The following SP3 variants were observed in gnomAD, a reference collection of about 807,000 sequenced individuals.
SP3 encodes the protein transcription factor Sp3.
In SP3, 10 loss-of-function variants were observed where a neutral mutation model predicts 70.3. The observed-to-expected ratio is 0.14, with a 90% CI of 0.09 to 0.24. SP3 has a LOEUF of 0.24. Among genes scored for constraint, SP3 ranks in the 10% least tolerant of loss-of-function variants. SP3 has a pLI of 1.00. For missense variants in SP3, 825 were observed against 914.6 expected (o/e 0.90, Z 1.26); for synonymous variants, 402 against 333.5 (o/e 1.21, Z -2.24).
intron 4 of SP3, among the ~76,000 whole-genome samples, chr2:173,949,562 G>A (rs968356216): frequency 3.3e-5 from 5 of 152,056 alleles, no homozygotes; most frequent in Admixed American, 3.3e-4. Context: ...AGAATTATAT[G>A]AGATAATACA....
intron 4 of SP3, among the ~76,000 whole-genome samples, chr2:173,944,874 T>C (rs906822422): frequency 6.6e-6 from 1 of 152,206 alleles, no homozygotes; most frequent in African/African-American, 2.4e-5. Context: ...CCCAGCACTT[T>C]GGGAGGCCAA....
intron 3 of SP3, among the ~76,000 whole-genome samples, chr2:173,958,174 A>G (rs1196468327): frequency 6.6e-6 from 1 of 152,038 alleles, no homozygotes; most frequent in Non-Finnish European, 1.5e-5. Flanking sequence ...ATCAAAGAAT[A>G]TAGTAACTCA....
chr2:173,904,119 C>A lies in SP3; in HGVS notation c.*5822G>T, dbSNP rs1031138487. 1.9e-4 allele frequency among the ~76,000 whole-genome samples: 29 copies of A among 152,130 alleles called. No individual in the cohort carries two copies. Among genetic ancestry groups the A allele is most frequent in the African/African-American group, 6.5e-4 (27 of 41,430 alleles). ...GGGGTTCACAACGGGGTTCGCACTCCTATGAGAATCTAATGTTGTGGCTCA... is the reference window on the plus strand; with the variant it reads ...GGGGTTCACAACGGGGTTCGCACTCATATGAGAATCTAATGTTGTGGCTCA... On this transcript the variant is annotated 3_prime_UTR_variant, in exon 7 of 7. Transcript: ENST00000310015.
rs1689222012 is a variant in SP3 at position 173,903,311 on chromosome 2, ATAGT to A, written c.*6626_*6629del. Among the ~76,000 whole-genome samples the A allele has an allele frequency of 1.3e-5, 2 of 152,248 alleles. No homozygotes were observed. The highest frequency in any genetic ancestry group is 1.5e-5 in the Non-Finnish European group (1 of 68,042). ...ATGACGCTAGCATCATTCTCATTTT[ATAGT>A]TAGAGAACAGGCTAAGAGTGGAAAG... On this transcript the variant is annotated 3_prime_UTR_variant, in exon 7 of 7. Coordinates refer to ENST00000310015, the MANE Select transcript of SP3 (RefSeq NM_003111.5).
chr2:173,916,048 T>C (rs1689612012), intron 5 of SP3: 1 of 152,088 alleles, frequency 6.6e-6, no homozygotes, highest in Non-Finnish European at 1.5e-5. Context: ...TACTTTAGAA[T>C]AGTTTGGATT....
intron 4 of SP3, among the ~76,000 whole-genome samples, chr2:173,919,303 C>T (rs74841183): frequency 0.03 from 4,644 of 152,288 alleles, 260 homozygotes; most frequent in African/African-American, 0.11. Context: ...TGCACTCATT[C>T]ATACACATCT....
chr2:173,954,051 G>C (rs955104517), intron 4 of SP3, among the ~76,000 whole-genome samples: 1 of 152,142 alleles, frequency 6.6e-6, no homozygotes, highest in Non-Finnish European at 1.5e-5. Context: ...CTGACCTGGT[G>C]AAAGAATGTT....
At chr2:173,956,274 T>A (rs753748447) in intron 3 of SP3, 42 bp from the exon 4 acceptor site, 32 of 1,518,788 alleles carry the variant, frequency 2.1e-5, no homozygotes, top group Non-Finnish European at 2.7e-5. Context: ...TGTGGTATAT[T>A]TAAATCAACC....
At chr2:173,951,901 G>A (rs1690720427) in intron 4 of SP3, among the ~76,000 whole-genome samples, 2 of 152,130 alleles carry the variant, frequency 1.3e-5, no homozygotes, top group Admixed American at 1.3e-4. Flanking sequence ...CCAAGTGTTA[G>A]CACATTACAT....
At chr2:173,943,985 G>A (rs902982001) in intron 4 of SP3, among the ~76,000 whole-genome samples, 2 of 152,192 alleles carry the variant, frequency 1.3e-5, no homozygotes, top group Admixed American at 6.5e-5. Context: ...CTGTAAACAT[G>A]ATGGTATGTA....
At chr2:173,919,096 G>A (rs1239191952) in intron 4 of SP3, among the ~76,000 whole-genome samples, 1 of 152,140 alleles carries the variant, frequency 6.6e-6, no homozygotes, top group African/African-American at 2.4e-5. Context: ...CAAGTCTTCT[G>A]TAAGAAGGAA....
chr2:173,955,260 G>A lies in SP3; in HGVS notation c.1252C>T (p.Pro418Ser). ...SQAQIVQGIT[P>S]QTIHGVQASG... The stretch of plus-strand genomic sequence containing the variant: ...GCTTGCACACCATGGATTGTCTGTG[G>A]TGTAATACCTTGCACAATTTGGGCT... Residue 418 changes from proline (P) to serine (S), a missense_variant, in exon 4 of 7, where the codon CCA becomes TCA. Pro to Ser is a moderately conservative substitution (Grantham distance 74). Around this residue, in one of 4 missense-constraint regions of SP3, gnomAD observed 678 missense variants for 651.6 expected, o/e 1.04. Transcript: ENST00000310015. The A allele has an allele frequency of 2.5e-6, 4 of 1,614,122 alleles. No individual in the cohort carries two copies. Among genetic ancestry groups the A allele is most frequent in the Non-Finnish European group, 3.4e-6 (4 of 1,180,038 alleles).
chr2:173,911,320 C>T (rs1689476739), intron 6 of SP3, among the ~76,000 whole-genome samples: 1 of 152,148 alleles, frequency 6.6e-6, no homozygotes, highest in Non-Finnish European at 1.5e-5. Context: ...GTGCCTCAAT[C>T]CTACTTAACA....
chr2:173,952,028 G>C (rs1408603271), intron 4 of SP3, among the ~76,000 whole-genome samples: 2 of 151,556 alleles, frequency 1.3e-5, no homozygotes, highest in African/African-American at 4.8e-5. Context: ...ATTTTCACTG[G>C]AAAGCACAAA....
chr2:173,908,201 G>C lies in SP3; in HGVS notation c.*1740C>G, dbSNP rs1018302342. 6.6e-6 allele frequency: 1 copy of C among 151,984 alleles called. No individual in the cohort carries two copies. The highest frequency in any genetic ancestry group is 1.5e-5 in the Non-Finnish European group (1 of 67,926). 9.4% of individuals were successfully genotyped at this position (151,984 alleles called of 1,614,324 possible). A position where few individuals can be genotyped will look rare whatever the true frequency, so the allele number is the denominator to read the frequency against. On this transcript the variant is annotated 3_prime_UTR_variant, in exon 7 of 7. Coordinates refer to ENST00000310015, the MANE Select transcript of SP3 (RefSeq NM_003111.5). ...AGTCTTAATGTAAATTCAGGTTTTC[G>C]ATAAATCAAAATATTCTGCATTGCT...
In SP3 at chr2:173,905,262, G is replaced by C. The variant is rs563647397; in HGVS notation, c.*4679C>G. Among the ~76,000 whole-genome samples the C allele has an allele frequency of 3.1e-3, 473 of 152,310 alleles. 1 individual carries two copies. The highest frequency in any genetic ancestry group is 5.6e-3 in the Non-Finnish European group (381 of 68,030). On this transcript the variant is annotated 3_prime_UTR_variant, in exon 7 of 7. Transcript: ENST00000310015. ...GAAAAATGGAATCTCCAGAGTTAAGGGGGGAGGAAGGCATTGGAAGGAGGT... is the reference window on the plus strand; with the variant it reads ...GAAAAATGGAATCTCCAGAGTTAAGCGGGGAGGAAGGCATTGGAAGGAGGT...
intron 4 of SP3, among the ~76,000 whole-genome samples, chr2:173,937,745 A>G (rs1285086982): frequency 6.6e-6 from 1 of 152,208 alleles, no homozygotes; most frequent in African/African-American, 2.4e-5. Context: ...CCAAAGTAGG[A>G]AAGCATAACA....
intron 4 of SP3, among the ~76,000 whole-genome samples, chr2:173,937,509 C>T (rs547430920): frequency 4.1e-4 from 62 of 152,180 alleles, no homozygotes; most frequent in African/African-American, 1.4e-3. Flanking sequence ...CTAACTCAAA[C>T]ATCACAGGAG....
At chr2:173,925,013 G>C (rs938371964) in intron 4 of SP3, among the ~76,000 whole-genome samples, 6 of 152,080 alleles carry the variant, frequency 3.9e-5, no homozygotes, top group Non-Finnish European at 5.9e-5. Context: ...TCAGCCACCT[G>C]AGTAGCTGGG....
Sources: allele counts gnomAD v4.1 joint callset (sites outside exome capture counted in the v4.1 genomes callset), GRCh38; gene constraint gnomAD v4.1.1; regional missense constraint gnomAD v4.1.1; transcripts MANE v1.5; gene names NCBI Gene and HGNC (gene_info 2026-07-23, HGNC 2026-07-21).